The following CA1 variants were observed in gnomAD, a reference collection of about 807,000 sequenced individuals.
CA1 encodes carbonic anhydrase 1.
Under a neutral mutation model 28.8 loss-of-function variants are expected in CA1, and 27 were observed. That is an observed-to-expected ratio of 0.94 (90% CI 0.69 to 1.29). CA1 has a LOEUF of 1.29. Among genes scored for constraint, CA1 ranks in the 50% most tolerant of loss-of-function variants. CA1 has a pLI of 0.00. For missense variants in CA1, 335 were observed against 310.5 expected (o/e 1.08, Z -0.59); for synonymous variants, 121 against 108.8 (o/e 1.11, Z -0.70).
At position 85,328,430 on chromosome 8, in the gene CA1, AGATT is replaced by A. The variant is rs1448401838; in HGVS notation, c.*126_*129del. On this transcript the variant is annotated 3_prime_UTR_variant, in exon 8 of 8. Coordinates refer to ENST00000523022, the MANE Select transcript of CA1 (RefSeq NM_001128831.4). ...TAAAATTTAAGTTTCTTAGTTTTACAGATTGATTTGAAGGCATGCTGTCTTGCTA... is the reference window on the plus strand; with the variant it reads ...TAAAATTTAAGTTTCTTAGTTTTACAGATTTGAAGGCATGCTGTCTTGCTA... 6 of 592,412 alleles carry A rather than the reference AGATT, an allele frequency of 1.0e-5. No individual in the cohort carries two copies. Among genetic ancestry groups the A allele is most frequent in the East Asian group, 2.9e-5 (1 of 34,314 alleles). The allele number at this position is 592,412 out of a possible 1,614,324, so 36.7% of individuals were successfully genotyped here. A position where few individuals can be genotyped will look rare whatever the true frequency, so the allele number is the denominator to read the frequency against.
chr8:85,363,474 G>T (rs1809879656), intron 1 of CA1, among the ~76,000 whole-genome samples: 1 of 152,170 alleles, frequency 6.6e-6, no homozygotes, highest in Non-Finnish European at 1.5e-5. Flanking sequence ...AGCTCTTCTT[G>T]CCTCCAAATG....
chr8:85,333,692 T>G (rs1808510509), intron 4 of CA1, 72 bp from the exon 5 acceptor site: 1 of 952,554 alleles, frequency 1.0e-6, no homozygotes, highest in Non-Finnish European at 1.7e-6. Context: ...TAAGTTAACT[T>G]GTTACCATAT....
At position 85,338,451 on chromosome 8, in the gene CA1, TAC is replaced by T. The variant is rs1808758207; in HGVS notation, c.38-4_38-3del. 6.2e-7 allele frequency: 1 copy of T among 1,612,494 alleles called. No homozygotes were observed. The highest frequency in any genetic ancestry group is 1.7e-5 in the Admixed American group (1 of 59,984). ...ACAGCTTGCTCCATTGTTCAGGACC[TAC>T]CAGGACAAACACGTGTAAAATCAAT... On this transcript the variant is annotated splice_polypyrimidine_tract_variant and splice_region_variant and intron_variant, in intron 2 of 7. Transcript: ENST00000523022.
intron 6 of CA1, 32 bp downstream of exon 6, chr8:85,332,458 T>A: frequency 6.6e-7 from 1 of 1,513,466 alleles, no homozygotes. Flanking sequence ...ATTCTTGTTC[T>A]CTGATTTAAA....
At chr8:85,368,479 T>A (rs1039881588) in intron 1 of CA1, among the ~76,000 whole-genome samples, 1 of 152,096 alleles carries the variant, frequency 6.6e-6, no homozygotes, top group East Asian at 1.9e-4. Flanking sequence ...AATTTAAAAT[T>A]TAAAAATTCT....
At chr8:85,356,534 G>A (rs190972063) in intron 1 of CA1, among the ~76,000 whole-genome samples, 178 of 152,080 alleles carry the variant, frequency 1.2e-3, no homozygotes, top group Non-Finnish European at 2.2e-3. Context: ...TTTAGAATAC[G>A]TTTTAATGGT....
intron 1 of CA1, among the ~76,000 whole-genome samples, chr8:85,344,298 ATATAAT>A (rs1305820245): frequency 2.0e-5 from 1 of 50,806 alleles, no homozygotes; most frequent in Non-Finnish European, 4.8e-5. Context: ...ACAGTATATA[ATATAAT>A]TATATATTAT....
chr8:85,345,489 G>C (rs71522996), intron 1 of CA1, among the ~76,000 whole-genome samples: 1 of 152,072 alleles, frequency 6.6e-6, no homozygotes, highest in Non-Finnish European at 1.5e-5. Context: ...TCTATGATAT[G>C]ATAAAACCTT....
Position 85,328,342 on chromosome 8 carries a change from C to A in CA1, c.*218G>T. 2.7e-6 allele frequency: 1 copy of A among 375,414 alleles called. No individual in the cohort carries two copies. 23.3% of individuals were successfully genotyped at this position (375,414 alleles called of 1,614,324 possible). A position where few individuals can be genotyped will look rare whatever the true frequency, so the allele number is the denominator to read the frequency against. ...AACTAAACTTGAATTTAAGCATAAG[C>A]TTATGCTTACAGATTACTATTTGCT... is the stretch of plus-strand genomic sequence containing the variant. On this transcript the variant is annotated 3_prime_UTR_variant, in exon 8 of 8. Transcript: ENST00000523022.
chr8:85,362,500 A>T (rs1317245831), intron 1 of CA1, among the ~76,000 whole-genome samples: 1 of 152,172 alleles, frequency 6.6e-6, no homozygotes, highest in Non-Finnish European at 1.5e-5. Flanking sequence ...AAACAGGCCA[A>T]ACTGGAAATA....
intron 2 of CA1, among the ~76,000 whole-genome samples, chr8:85,338,710 C>G (rs1472511739): frequency 7.8e-6 from 1 of 128,604 alleles, no homozygotes. Flanking sequence ...CTCTTTCTTT[C>G]TCTCTCTTTT....
At chr8:85,357,597 G>T (rs1328018936) in intron 1 of CA1, among the ~76,000 whole-genome samples, 2 of 152,306 alleles carry the variant, frequency 1.3e-5, no homozygotes, top group East Asian at 3.9e-4. Context: ...AAATTTGAAG[G>T]TAGCAGGGAA....
chr8:85,359,569 G>T (rs770541577), intron 1 of CA1, among the ~76,000 whole-genome samples: 1 of 152,222 alleles, frequency 6.6e-6, no homozygotes, highest in African/African-American at 2.4e-5. Flanking sequence ...GGGTTTGGAA[G>T]AAGAGACACT....
At chr8:85,362,653 C>T (rs533136431) in intron 1 of CA1, among the ~76,000 whole-genome samples, 22 of 152,028 alleles carry the variant, frequency 1.4e-4, no homozygotes, top group Admixed American at 7.2e-4. Context: ...AATTGTGGTG[C>T]GTAGGGGAAG....
At chr8:85,334,766 G>A (rs1373338228) in intron 4 of CA1, among the ~76,000 whole-genome samples, 1 of 152,090 alleles carries the variant, frequency 6.6e-6, no homozygotes, top group East Asian at 1.9e-4. Flanking sequence ...GCCGAGGCGG[G>A]CGGATCACGA....
At chr8:85,359,918 A>G (rs905139467) in intron 1 of CA1, among the ~76,000 whole-genome samples, 3 of 152,182 alleles carry the variant, frequency 2.0e-5, no homozygotes, top group South Asian at 4.1e-4. Context: ...ATTTACCAAT[A>G]AGGAGACTAA....
At chr8:85,330,741 G>C (rs1212498327) in intron 6 of CA1, among the ~76,000 whole-genome samples, 1 of 152,088 alleles carries the variant, frequency 6.6e-6, no homozygotes, top group Admixed American at 6.6e-5. Context: ...CCTTTAACTA[G>C]TTAATATAAT....
chr8:85,339,169 G>A (rs1406870009), intron 2 of CA1, among the ~76,000 whole-genome samples: 1 of 152,032 alleles, frequency 6.6e-6, no homozygotes, highest in Non-Finnish European at 1.5e-5. Context: ...TCACTTTATT[G>A]TTCTTTGCAG....
Position 85,366,455 on chromosome 8 carries a change from A to G in CA1, c.-25+11591T>C, listed in dbSNP as rs116668797. 4.5e-3 allele frequency among the ~76,000 whole-genome samples: 685 copies of G among 152,280 alleles called. 7 individuals carry two copies. Among genetic ancestry groups the G allele is most frequent in the African/African-American group, 0.015 (642 of 41,542 alleles). ...CATCTATGTGACCACTGTTTAGAAA[A>G]ACATAGATCAAAACAATGAGAGACC... is the stretch of plus-strand genomic sequence containing the variant. On this transcript the variant is annotated intron_variant, in intron 1 of 7. Coordinates refer to ENST00000523022, the MANE Select transcript of CA1 (RefSeq NM_001128831.4).
Sources: allele counts gnomAD v4.1 joint callset (sites outside exome capture counted in the v4.1 genomes callset), GRCh38; gene constraint gnomAD v4.1.1; transcripts MANE v1.5; gene names NCBI Gene and HGNC (gene_info 2026-07-23, HGNC 2026-07-21).